DOK6: variants seen among roughly 807,000 people sequenced by gnomAD.
The protein encoded by DOK6 is docking protein 6.
A neutral mutation model predicts 44.0 loss-of-function variants in DOK6; 22 were observed. The ratio of observed to expected loss-of-function variants is 0.50; its 90% CI spans 0.36 to 0.71. The LOEUF is 0.71. Ranked by LOEUF, DOK6 falls within the 30% of genes least tolerant of loss-of-function variation. DOK6 has a pLI of 0.00. For synonymous variants in DOK6, 166 were observed against 145.5 expected (o/e 1.14, Z -1.01); for missense variants, 340 against 416.4 (o/e 0.82, Z 1.60).
intron 1 of DOK6, among the ~76,000 whole-genome samples, chr18:69,497,029 A>G (rs1285507137): frequency 6.6e-6 from 1 of 152,216 alleles, no homozygotes; most frequent in African/African-American, 2.4e-5. Context: ...TAAAATATTA[A>G]TTATTAAAAC....
chr18:69,626,065 C>T (rs1046824052), intron 3 of DOK6, among the ~76,000 whole-genome samples: 2 of 152,160 alleles, frequency 1.3e-5, no homozygotes, highest in African/African-American at 4.8e-5. Flanking sequence ...TGACTGATAG[C>T]ACTGCCAATT....
chr18:69,666,745 G>A (rs925077452), intron 3 of DOK6, among the ~76,000 whole-genome samples: 10 of 152,132 alleles, frequency 6.6e-5, no homozygotes, highest in Non-Finnish European at 1.3e-4. Context: ...ATGACCCCAA[G>A]GTTTGTTACA....
intron 3 of DOK6, among the ~76,000 whole-genome samples, chr18:69,665,209 T>C (rs1985625846): frequency 6.6e-6 from 1 of 151,482 alleles, no homozygotes; most frequent in South Asian, 2.1e-4. Flanking sequence ...ATGCATTAAC[T>C]CCTCCCCAAA....
At chr18:69,701,552 A>G (rs1193510413) in intron 5 of DOK6, among the ~76,000 whole-genome samples, 2 of 152,190 alleles carry the variant, frequency 1.3e-5, no homozygotes, top group Non-Finnish European at 2.9e-5. Flanking sequence ...TGTAAGCAAA[A>G]ATCAAGATGA....
intron 1 of DOK6, among the ~76,000 whole-genome samples, chr18:69,551,326 T>A (rs1235255925): frequency 1.3e-5 from 2 of 152,244 alleles, no homozygotes; most frequent in Non-Finnish European, 2.9e-5. Flanking sequence ...TGACTTAATA[T>A]TTTTGTATTA....
At chr18:69,813,440 AT>A (rs1285606501) in intron 7 of DOK6, among the ~76,000 whole-genome samples, 1 of 152,058 alleles carries the variant, frequency 6.6e-6, no homozygotes, top group East Asian at 1.9e-4. Flanking sequence ...GTTGTCCCTA[AT>A]GTTTCTATGC....
At chr18:69,524,988 AC>A (rs1450978399) in intron 1 of DOK6, among the ~76,000 whole-genome samples, 2 of 151,618 alleles carry the variant, frequency 1.3e-5, no homozygotes, top group Non-Finnish European at 3.0e-5. Flanking sequence ...CAGTAAAAAA[AC>A]ATTAATTTTT....
chr18:69,563,800 A>G (rs1982901586), intron 1 of DOK6, among the ~76,000 whole-genome samples: 1 of 151,582 alleles, frequency 6.6e-6, no homozygotes, highest in Non-Finnish European at 1.5e-5. Flanking sequence ...TTAAAGTATA[A>G]TAAAAAAAAA....
chr18:69,822,852 G>A (rs563927009), intron 7 of DOK6, among the ~76,000 whole-genome samples: 2 of 152,090 alleles, frequency 1.3e-5, no homozygotes, highest in Admixed American at 1.3e-4. Context: ...TTATAATGAA[G>A]TTATAAAAGT....
intron 5 of DOK6, among the ~76,000 whole-genome samples, chr18:69,714,893 A>G (rs1178351990): frequency 2.0e-5 from 3 of 152,242 alleles, no homozygotes; most frequent in African/African-American, 7.2e-5. Context: ...CGAATCAAGA[A>G]AGACTTGGTA....
chr18:69,608,899 G>A (rs1468428732), intron 3 of DOK6, among the ~76,000 whole-genome samples: 6 of 143,820 alleles, frequency 4.2e-5, no homozygotes, highest in African/African-American at 1.3e-4. Context: ...GCAGTGAGCC[G>A]AGATGGCGCC....
chr18:69,586,653 T>C (rs1156466902), intron 2 of DOK6, among the ~76,000 whole-genome samples: 2 of 152,134 alleles, frequency 1.3e-5, no homozygotes, highest in African/African-American at 4.8e-5. Flanking sequence ...GATGAAGAGC[T>C]CACCAGCTCA....
At chr18:69,717,447 G>A (rs575432370) in intron 5 of DOK6, among the ~76,000 whole-genome samples, 10 of 152,228 alleles carry the variant, frequency 6.6e-5, no homozygotes, top group African/African-American at 2.2e-4. Flanking sequence ...ATGGGTGATT[G>A]TTTTAATGGG....
chr18:69,804,101 T>C (rs942196420), intron 7 of DOK6, among the ~76,000 whole-genome samples: 12 of 152,140 alleles, frequency 7.9e-5, no homozygotes, highest in Non-Finnish European at 1.3e-4. Context: ...TTGAGGTTAA[T>C]GTCTGGGTTC....
chr18:69,658,412 AT>A (rs1036513003), intron 3 of DOK6, among the ~76,000 whole-genome samples: 4 of 152,158 alleles, frequency 2.6e-5, no homozygotes, highest in African/African-American at 9.7e-5. Context: ...TGTAATGTAA[AT>A]TTCTTAGACT....
At chr18:69,803,252 TAAC>T (rs1023050246) in intron 7 of DOK6, among the ~76,000 whole-genome samples, 42 of 152,292 alleles carry the variant, frequency 2.8e-4, no homozygotes, top group African/African-American at 9.9e-4. Flanking sequence ...GTAATTATAA[TAAC>T]AATTTTATGA....
chr18:69,803,983 C>T lies in DOK6; in HGVS notation c.857-37261C>T, dbSNP rs976188482. On this transcript the variant is annotated intron_variant, in intron 7 of 7. Transcript: ENST00000382713. ...AACTCTACCTTATTTCTCTATTTCA[C>T]ATGAGTTTTGGTTAAATATAAACCA... Among the ~76,000 whole-genome samples, 4 of 152,158 alleles carry T rather than the reference C, an allele frequency of 2.6e-5. 1 individual carries two copies. The highest frequency in any genetic ancestry group is 2.6e-4 in the Admixed American group (4 of 15,260).
At chr18:69,666,316 A>G (rs936602359) in intron 3 of DOK6, among the ~76,000 whole-genome samples, 7 of 152,230 alleles carry the variant, frequency 4.6e-5, no homozygotes, top group Admixed American at 3.3e-4. Flanking sequence ...TCCCTGCTGC[A>G]TAACATGGAT....
intron 2 of DOK6, among the ~76,000 whole-genome samples, chr18:69,589,217 T>C (rs966456150): frequency 1.3e-5 from 2 of 152,174 alleles, no homozygotes; most frequent in African/African-American, 4.8e-5. Context: ...GATTAACCTA[T>C]ATTTATTGTA....
Sources: gnomAD v4.1 joint callset for allele counts (sites outside exome capture counted in the v4.1 genomes callset) on GRCh38, gnomAD v4.1.1 for gene constraint, MANE v1.5 for transcripts, NCBI Gene and HGNC (gene_info 2026-07-23, HGNC 2026-07-21) for gene names.